Variants in AP3B1 observed in about 807,000 individuals in gnomAD.
AP3B1 encodes the protein adaptor related protein complex 3 subunit beta 1.
In AP3B1, 61 loss-of-function variants were observed where a neutral mutation model predicts 132.5. The observed-to-expected ratio is 0.46, with a 90% CI of 0.37 to 0.57. The LOEUF is 0.57. Ranked by LOEUF, AP3B1 falls within the 20% of genes least tolerant of loss-of-function variation. The pLI is 0.00. For synonymous variants in AP3B1, 388 were observed against 438.3 expected, an observed-to-expected ratio of 0.89 and a Z score of 1.43; for missense variants, 1,120 against 1,289.4, an observed-to-expected ratio of 0.87 and a Z score of 2.01.
intron 22 of AP3B1, among the ~76,000 whole-genome samples, chr5:78,078,358 T>G (rs573944815): frequency 1.1e-3 from 174 of 152,280 alleles, no homozygotes; most frequent in African/African-American, 4.0e-3. Flanking sequence ...TTCACACAAC[T>G]TTATAAAACA....
chr5:78,177,406 G>A lies in AP3B1; in HGVS notation c.973C>T (p.His325Tyr), dbSNP rs891181644. Residue 325 changes from histidine to tyrosine, a missense_variant, in exon 9 of 27, where the codon CAC becomes TAC. Physicochemically the swap from His to Tyr is moderately conservative, Grantham distance 83 (BLOSUM62 2). Coordinates refer to ENST00000255194, the MANE Select transcript of AP3B1 (RefSeq NM_003664.5). Reference sequence around the variant, plus strand: ...CCAGCTTCAGATTTTGGTGATATGTGCCAATACAGCTGAGCAACTGCCATA... The same window carrying A: ...CCAGCTTCAGATTTTGGTGATATGTACCAATACAGCTGAGCAACTGCCATA... Reference protein sequence around the residue: ...VVMAVAQLYWHISPKSEAGII... With the variant: ...VVMAVAQLYWYISPKSEAGII... The A allele has an allele frequency of 2.5e-6, 4 of 1,613,870 alleles. No individual in the cohort carries two copies. The highest frequency in any genetic ancestry group is 2.2e-5 in the East Asian group (1 of 44,854).
intron 2 of AP3B1, among the ~76,000 whole-genome samples, chr5:78,266,018 A>T (rs1446635216): frequency 1.3e-5 from 2 of 152,118 alleles, no homozygotes; most frequent in Non-Finnish European, 2.9e-5. Flanking sequence ...GCATAAACTG[A>T]GTAACAGATG....
rs1321357327 is a variant in AP3B1, at chr5:78,129,304, T to C, written c.1654A>G (p.Lys552Glu). 6.2e-7 allele frequency: 1 copy of C among 1,610,482 alleles called. No individual in the cohort carries two copies. The highest frequency in any genetic ancestry group is 8.5e-7 in the Non-Finnish European group (1 of 1,176,904). ...TTTAATATGTACTGGGTAAGCAATT[T>C]TGTCTGTTGGAAAAAAACAGATCAA... The part of the protein sequence containing the change: ...KLYLTNSKQT[K>E]LLTQYILNLG... The change falls in exon 16 of 27, where the codon AAA becomes GAA. Residue 552 changes from lysine to glutamate, a missense_variant. Physicochemically the swap from Lys to Glu is moderately conservative, Grantham distance 56. This residue lies in a region of AP3B1 where 906 missense variants were observed against 997.1 expected (regional missense o/e 0.91). Transcript: ENST00000255194.
intron 1 of AP3B1, among the ~76,000 whole-genome samples, chr5:78,293,099 G>A (rs2112604678): frequency 6.6e-6 from 1 of 152,088 alleles, no homozygotes; most frequent in South Asian, 2.1e-4. Context: ...GGCTGGTCTC[G>A]AACTCCTGGC....
chr5:78,175,948 C>T, intron 9 of AP3B1, 110 bp from the exon 10 acceptor site: 1 of 877,286 alleles, frequency 1.1e-6, no homozygotes, highest in Non-Finnish European at 1.9e-6. Flanking sequence ...GAATGAGACT[C>T]TTAAATGTAA....
At chr5:78,245,199 A>G (rs1747326507) in intron 2 of AP3B1, among the ~76,000 whole-genome samples, 1 of 152,214 alleles carries the variant, frequency 6.6e-6, no homozygotes. Flanking sequence ...ACAATCACTT[A>G]GATCTGAGAA....
chr5:78,014,589 C>T (rs1488339553), intron 26 of AP3B1, among the ~76,000 whole-genome samples: 1 of 152,082 alleles, frequency 6.6e-6, no homozygotes, highest in Non-Finnish European at 1.5e-5. Context: ...TGCAGGCCTT[C>T]CCTTTGATGC....
At position 78,294,598 on chromosome 5, in the gene AP3B1, T is replaced by C. The variant is rs572880838; in HGVS notation, c.-19A>G. ...TGGACATTGCCGCGGTGCTGGCGGGTGCGGGGTTGGTCCTGCCGGGGGTTC... is the reference window on the plus strand; with the variant it reads ...TGGACATTGCCGCGGTGCTGGCGGGCGCGGGGTTGGTCCTGCCGGGGGTTC... On this transcript the variant is annotated 5_prime_UTR_variant, in exon 1 of 27. Coordinates refer to ENST00000255194, the MANE Select transcript of AP3B1 (RefSeq NM_003664.5). 1.6e-5 allele frequency: 26 copies of C among 1,613,340 alleles called. No individual in the cohort carries two copies. Among genetic ancestry groups the C allele is most frequent in the Non-Finnish European group, 2.0e-5 (24 of 1,179,974 alleles).
chr5:78,067,431 T>C (rs1053120119), intron 22 of AP3B1, among the ~76,000 whole-genome samples: 1 of 152,198 alleles, frequency 6.6e-6, no homozygotes, highest in Non-Finnish European at 1.5e-5. Flanking sequence ...CTGATGGATA[T>C]CTACAGAACT....
chr5:78,163,756 T>A (rs200406905), intron 12 of AP3B1, among the ~76,000 whole-genome samples: 1 of 151,734 alleles, frequency 6.6e-6, no homozygotes, highest in East Asian at 1.9e-4. Context: ...AATTTTATAA[T>A]GGCCCTAGAG....
intron 6 of AP3B1, among the ~76,000 whole-genome samples, chr5:78,217,173 T>C (rs531012183): frequency 8.5e-5 from 13 of 152,266 alleles, no homozygotes; most frequent in African/African-American, 2.9e-4. Flanking sequence ...AATAGAAATA[T>C]AACTTACTGA....
chr5:78,170,795 G>A (rs993772620), intron 11 of AP3B1, among the ~76,000 whole-genome samples: 1 of 152,172 alleles, frequency 6.6e-6, no homozygotes, highest in African/African-American at 2.4e-5. Context: ...TTTTAGTCAT[G>A]AAGTCCTTGC....
intron 1 of AP3B1, among the ~76,000 whole-genome samples, chr5:78,268,124 TAA>T (rs1324851370): frequency 6.6e-6 from 1 of 152,142 alleles, no homozygotes; most frequent in Non-Finnish European, 1.5e-5. Flanking sequence ...GTAGAGGTAG[TAA>T]TAAATAAAAA....
rs77249088 is a variant in AP3B1, at chr5:78,167,632, T to TACAC, written c.1168-1964_1168-1961dup. Among the ~76,000 whole-genome samples, 267 of 146,174 alleles carry TACAC rather than the reference T, an allele frequency of 1.8e-3. 2 individuals are homozygous for TACAC. Among genetic ancestry groups the TACAC allele is most frequent in the Middle Eastern group, 0.01 (3 of 286 alleles). On this transcript the variant is annotated intron_variant, in intron 11 of 26. Transcript: ENST00000255194. Reference sequence around the variant, plus strand: ...GTGGATAAAGAACATGTTATATATATACACACACACACACACACACACACA... The same window carrying TACAC: ...GTGGATAAAGAACATGTTATATATATACACACACACACACACACACACACACACA...
intron 7 of AP3B1, among the ~76,000 whole-genome samples, chr5:78,190,268 A>G (rs867735041): frequency 1.3e-5 from 2 of 152,146 alleles, no homozygotes; most frequent in African/African-American, 4.8e-5. Context: ...GTTTGGTTCT[A>G]CTGCCATGAG....
At chr5:78,107,208 G>T (rs777564451) in intron 20 of AP3B1, among the ~76,000 whole-genome samples, 3 of 152,086 alleles carry the variant, frequency 2.0e-5, no homozygotes, top group Non-Finnish European at 4.4e-5. Context: ...AGAACAAAAG[G>T]GATGCAGAGA....
intron 7 of AP3B1, among the ~76,000 whole-genome samples, chr5:78,203,398 T>C (rs1024537882): frequency 3.9e-5 from 6 of 152,060 alleles, no homozygotes; most frequent in Admixed American, 6.6e-5. Flanking sequence ...TATAAAACCA[T>C]CAGATCTTGT....
At chr5:78,263,219 A>G (rs1198231012) in intron 2 of AP3B1, among the ~76,000 whole-genome samples, 2 of 152,038 alleles carry the variant, frequency 1.3e-5, no homozygotes, top group East Asian at 1.9e-4. Flanking sequence ...CAAGTCTTTC[A>G]TCTCCTTGGT....
chr5:78,209,313 A>T (rs1745639178), intron 7 of AP3B1, among the ~76,000 whole-genome samples: 1 of 152,186 alleles, frequency 6.6e-6, no homozygotes, highest in African/African-American at 2.4e-5. Context: ...AGTCTGATAA[A>T]CATTTATAAT....
Sources: gnomAD v4.1 joint callset for allele counts (sites outside exome capture counted in the v4.1 genomes callset) on GRCh38, gnomAD v4.1.1 for gene constraint, gnomAD v4.1.1 regional missense constraint, MANE v1.5 for transcripts, NCBI Gene and HGNC (gene_info 2026-07-23, HGNC 2026-07-21) for gene names.